Variants in CROCC observed in about 807,000 individuals in gnomAD.
CROCC encodes rootletin.
Under a neutral mutation model 245.2 loss-of-function variants are expected in CROCC, and 180 were observed. The observed-to-expected ratio is 0.73, with a 90% CI of 0.65 to 0.83. The LOEUF is 0.83. Ranked by LOEUF, CROCC falls within the 40% of genes least tolerant of loss-of-function variation. CROCC has a pLI of 0.00. For missense variants in CROCC, 2,688 were observed against 2,779.4 expected (o/e 0.97, Z 0.74); for synonymous variants, 1,205 against 1,241.6 (o/e 0.97, Z 0.62).
At chr1:16,931,768 T>G (rs1318633120) in intron 8 of CROCC, among the ~76,000 whole-genome samples, 1 of 152,260 alleles carries the variant, frequency 6.6e-6, no homozygotes, top group Non-Finnish European at 1.5e-5. Context: ...CTGATTTTTT[T>G]TTTTTCTCAG....
intron 17 of CROCC, among the ~76,000 whole-genome samples, chr1:16,947,783 T>G (rs2076082620): frequency 6.6e-6 from 1 of 152,260 alleles, no homozygotes; most frequent in Non-Finnish European, 1.5e-5. Flanking sequence ...AGGGTTCTGT[T>G]ACTCCCAGAG....
chr1:16,914,969 G>T (rs2075286575), intron 1 of CROCC, among the ~76,000 whole-genome samples: 1 of 152,260 alleles, frequency 6.6e-6, no homozygotes, highest in Non-Finnish European at 1.5e-5. Context: ...TTAATAAACA[G>T]ATCTTGTGGC....
At chr1:16,964,355 C>A (rs993224802) in intron 27 of CROCC, among the ~76,000 whole-genome samples, 6 of 148,984 alleles carry the variant, frequency 4.0e-5, no homozygotes, top group Non-Finnish European at 7.4e-5. Flanking sequence ...CTTTTCCTTC[C>A]TTCCTTACTT....
At chr1:16,930,837 A>G (rs1382090224) in intron 7 of CROCC, among the ~76,000 whole-genome samples, 1 of 152,296 alleles carries the variant, frequency 6.6e-6, no homozygotes, top group Non-Finnish European at 1.5e-5. Flanking sequence ...CATTCTCCTC[A>G]TTTTAAAGAG....
At chr1:16,967,982 C>T (rs1353492192) in intron 30 of CROCC, among the ~76,000 whole-genome samples, 1 of 152,142 alleles carries the variant, frequency 6.6e-6, no homozygotes, top group African/African-American at 2.4e-5. Context: ...AGCCCATTGG[C>T]CTGGGCTAAA....
rs2075884289 is a variant in CROCC at position 16,939,842 on chromosome 1, G to T, written c.1609-52G>T. 5.0e-6 allele frequency: 8 copies of T among 1,584,456 alleles called. No homozygotes were observed. In the South Asian group the frequency reaches 7.8e-5, roughly 15 times the overall value. On this transcript the variant is annotated intron_variant, in intron 12 of 36. Coordinates refer to ENST00000375541, the MANE Select transcript of CROCC (RefSeq NM_014675.5). Reference sequence around the variant, plus strand: ...CCCTGGAACCAGAAGAGAGTAGGTGGCTCTGGAGGCCTCTCAGGCCCCCCC... The same window carrying T: ...CCCTGGAACCAGAAGAGAGTAGGTGTCTCTGGAGGCCTCTCAGGCCCCCCC...
At chr1:16,917,400 T>A (rs1326615806), upstream of CROCC, among the ~76,000 whole-genome samples, 1 of 152,256 alleles carries the variant, frequency 6.6e-6, no homozygotes, top group African/African-American at 2.4e-5. Flanking sequence ...GGTAAGCGGA[T>A]AAGAGCAGCT....
At chr1:16,951,239 TGGG>T in intron 20 of CROCC, 117 bp downstream of exon 20, 1 of 958,062 alleles carries the variant, frequency 1.0e-6, no homozygotes, top group Non-Finnish European at 1.4e-6. Flanking sequence ...GTGGAGGTCC[TGGG>T]GACAGCTAGG....
In CROCC at chr1:16,939,044, G is replaced by A; in HGVS notation, c.1510G>A (p.Gly504Ser). The A allele has an allele frequency of 1.9e-6, 3 of 1,592,568 alleles. No homozygotes were observed. Among genetic ancestry groups the A allele is most frequent in the Non-Finnish European group, 2.6e-6 (3 of 1,173,036 alleles). ...SPPRRSSPGR[G>S]RSPRRGPSPA... is the part of the protein sequence containing the mutation. ...ACCGCGGCGCTCCTCGCCCGGCCGA[G>A]GCCGTTCACCCCGCCGAGGCCCCTC... The change falls in exon 12 of 37, where the codon GGC becomes AGC. Residue 504 changes from glycine to serine, a missense_variant. This residue lies in a region of CROCC where 972 missense variants were observed against 895.3 expected (regional missense o/e 1.09). Coordinates refer to ENST00000375541, the MANE Select transcript of CROCC (RefSeq NM_014675.5).
intron 31 of CROCC, 47 bp downstream of exon 31, chr1:16,968,465 C>G: frequency 6.9e-7 from 1 of 1,440,798 alleles, no homozygotes; most frequent in Non-Finnish European, 9.1e-7. Flanking sequence ...ATGCCCTGTG[C>G]CAAGAGCTTT....
At chr1:16,971,001 TGCA>T (rs1207194535) in intron 35 of CROCC, 2 of 472,626 alleles carry the variant, frequency 4.2e-6, no homozygotes, top group Non-Finnish European at 7.4e-6. Context: ...GTTGTGGCCA[TGCA>T]GCAGTGTGAG....
intron 20 of CROCC, chr1:16,951,790 A>G (rs529829397): frequency 1.3e-5 from 2 of 154,938 alleles, no homozygotes; most frequent in Non-Finnish European, 2.9e-5. Context: ...GCAGGCTATG[A>G]CTGCATGGCT....
At chr1:16,936,925 A>T (rs1335235772) in intron 9 of CROCC, 52 bp downstream of exon 9, 1 of 1,536,464 alleles carries the variant, frequency 6.5e-7, no homozygotes. Context: ...AGAAGGTAAA[A>T]CTGGAGAGTT....
rs768724324 is a variant in CROCC, at chr1:16,966,456, C to T, written c.4745C>T (p.Ala1582Val). 9 of 1,536,506 alleles carry T rather than the reference C, an allele frequency of 5.9e-6. No homozygotes were observed. Among genetic ancestry groups the T allele is most frequent in the East Asian group, 2.4e-5 (1 of 40,900 alleles). ...CTGAGCGGGGTCCAGGCGGAGCTGGCGCTGCAGGAGGAGAGTGTGCGGCGC... is the reference window on the plus strand; with the variant it reads ...CTGAGCGGGGTCCAGGCGGAGCTGGTGCTGCAGGAGGAGAGTGTGCGGCGC... ...GRLSGVQAEL[A>V]LQEESVRRSE... The change falls in exon 30 of 37, where the codon GCG (alanine) becomes GTG (valine). Residue 1582 changes from alanine (A) to valine (V), a missense_variant. Coordinates refer to ENST00000375541, the MANE Select transcript of CROCC (RefSeq NM_014675.5). This position sits in a 1 kb window ranked among gnomAD's most constrained non-coding sequence, Gnocchi z 4.8.
upstream of CROCC, chr1:16,921,810 G>T: frequency 1.8e-6 from 1 of 561,750 alleles, no homozygotes; most frequent in Non-Finnish European, 3.2e-6. Flanking sequence ...CCCTGCCTCT[G>T]CTTCCCTCCT....
intron 30 of CROCC, among the ~76,000 whole-genome samples, chr1:16,967,276 G>A (rs553361130): frequency 6.6e-6 from 1 of 152,224 alleles, no homozygotes; most frequent in African/African-American, 2.4e-5. Flanking sequence ...AGCTATGTGT[G>A]CCAGTGTGTA....
chr1:16,948,348 C>G lies in CROCC; in HGVS notation c.2532C>G (p.Ser844Arg). 6.4e-7 allele frequency: 1 copy of G among 1,573,536 alleles called. No individual in the cohort carries two copies. Among genetic ancestry groups the G allele is most frequent in the Non-Finnish European group, 8.6e-7 (1 of 1,164,194 alleles). ...EQLAQLSRQL[S>R]GREQELEQAR... Reference sequence around the variant, plus strand: ...GGGGCCAGCTCTCCCGGCAGCTGAGCGGGCGGGAGCAGGAGCTGGAGCAGG... The same window carrying G: ...GGGGCCAGCTCTCCCGGCAGCTGAGGGGGCGGGAGCAGGAGCTGGAGCAGG... Residue 844 changes from serine (S) to arginine (R), a missense_variant, in exon 18 of 37, where the codon AGC (serine) becomes AGG (arginine). Coordinates refer to ENST00000375541, the MANE Select transcript of CROCC (RefSeq NM_014675.5).
At chr1:16,939,822 G>A in intron 12 of CROCC, 72 bp from the exon 13 acceptor site, 1 of 1,548,924 alleles carries the variant, frequency 6.5e-7, no homozygotes, top group Non-Finnish European at 8.9e-7. Context: ...TGTATCCCTG[G>A]AACCAGAAGA....
intron 19 of CROCC, among the ~76,000 whole-genome samples, chr1:16,950,560 G>A (rs2076141756): frequency 6.6e-6 from 1 of 152,200 alleles, no homozygotes. Context: ...GTTTCACCAT[G>A]TTGGCCAGGT....
Sources: allele counts gnomAD v4.1 joint callset (sites outside exome capture counted in the v4.1 genomes callset), GRCh38; gene constraint gnomAD v4.1.1; regional missense constraint gnomAD v4.1.1; non-coding constraint Gnocchi (gnomAD v3.1); transcripts MANE v1.5; gene names NCBI Gene and HGNC (gene_info 2026-07-23, HGNC 2026-07-21).